The following FBXO25 variants were observed in gnomAD, a reference collection of about 807,000 sequenced individuals.
FBXO25 encodes F-box only protein 25.
Under a neutral mutation model 51.9 loss-of-function variants are expected in FBXO25, and 45 were observed. The ratio of observed to expected loss-of-function variants is 0.87; its 90% confidence interval spans 0.68 to 1.11. The LOEUF is 1.11. Ranked by LOEUF, FBXO25 falls within the 50% of genes most tolerant of loss-of-function variation. The pLI, the probability that FBXO25 is intolerant of heterozygous loss-of-function variation, is 0.00. For missense variants in FBXO25, 507 were observed against 428.5 expected, an observed-to-expected ratio of 1.18 and a Z score of -1.62; for synonymous variants, 199 against 151.0, an observed-to-expected ratio of 1.32 and a Z score of -2.33.
At chr8:446,260 C>G (rs990552753) in intron 5 of FBXO25, among the ~76,000 whole-genome samples, 35 of 152,110 alleles carry the variant, frequency 2.3e-4, no homozygotes, top group Non-Finnish European at 4.1e-4. Flanking sequence ...AACTCTCTCT[C>G]CCAGACTCAC....
In FBXO25 at chr8:451,446, T is replaced by C. The variant is rs1316959696; in HGVS notation, c.653T>C (p.Met218Thr). ...CAACAACAGCTACAGGATCTTCAGATGACTAAGGTATAAATATCTCGGCAT... is the reference window on the plus strand; with the variant it reads ...CAACAACAGCTACAGGATCTTCAGACGACTAAGGTATAAATATCTCGGCAT... ...AWQQQLQDLQ[M>T]TKQVNNGLTL... Residue 218 changes from methionine to threonine, a missense_variant, in exon 7 of 10, where the codon ATG becomes ACG. By Grantham distance (81) the Met-to-Thr change is moderately conservative. Coordinates refer to ENST00000350302, the MANE Select transcript of FBXO25 (RefSeq NM_183420.2). 6.2e-7 allele frequency: 1 copy of C among 1,613,316 alleles called. No homozygotes were observed. Among genetic ancestry groups the C allele is most frequent in the African/African-American group, 1.3e-5 (1 of 74,908 alleles).
At chr8:455,929 G>A (rs1799397002) in intron 7 of FBXO25, among the ~76,000 whole-genome samples, 1 of 152,238 alleles carries the variant, frequency 6.6e-6, no homozygotes, top group Admixed American at 6.5e-5. Flanking sequence ...TAACAGGGAT[G>A]TAAAACTGGA....
intron 5 of FBXO25, among the ~76,000 whole-genome samples, chr8:446,047 G>T (rs113923294): frequency 0.31 from 46,962 of 151,386 alleles, 11,779 homozygotes; most frequent in African/African-American, 0.7. Context: ...GTGTCTGGTG[G>T]GATGGAGGGG....
chr8:458,573 C>A, intron 8 of FBXO25, 22 bp downstream of exon 8: 1 of 1,611,166 alleles, frequency 6.2e-7, no homozygotes, highest in South Asian at 1.1e-5. Context: ...GCAGCAGTCT[C>A]CCCTCAGGCT....
chr8:407,348 T>A (rs1451608980), intron 1 of FBXO25: 2 of 945,772 alleles, frequency 2.1e-6, no homozygotes, highest in Middle Eastern at 5.6e-4. Flanking sequence ...GATTGCCGCG[T>A]GCGCGTCTGC....
rs556559595 is a variant in FBXO25, at chr8:475,552, C to T, written c.*6748C>T. 3 of 152,046 alleles carry T rather than the reference C, an allele frequency of 2.0e-5. No individual in the cohort carries two copies. The highest frequency in any genetic ancestry group is 4.8e-5 in the African/African-American group (2 of 41,398). 9.4% of individuals were successfully genotyped at this position (152,046 alleles called of 1,614,324 possible). On this transcript the variant is annotated 3_prime_UTR_variant, in exon 10 of 10. Coordinates refer to ENST00000350302, the MANE Select transcript of FBXO25 (RefSeq NM_183420.2). ...TCTTAAGGTATCCAATCCATAAACACGGGATTGCTTTCTATTTATTTGTGT... is the reference window on the plus strand; with the variant it reads ...TCTTAAGGTATCCAATCCATAAACATGGGATTGCTTTCTATTTATTTGTGT...
At chr8:424,199 T>C (rs1175707615) in intron 2 of FBXO25, among the ~76,000 whole-genome samples, 2 of 151,766 alleles carry the variant, frequency 1.3e-5, no homozygotes, top group Non-Finnish European at 2.9e-5. Flanking sequence ...GCTCACTCCT[T>C]TGCCCATTTT....
intron 9 of FBXO25, among the ~76,000 whole-genome samples, chr8:463,731 G>C (rs76511887): frequency 0.014 from 2,092 of 152,274 alleles, 37 homozygotes; most frequent in South Asian, 0.066. Context: ...CCTTCATCCA[G>C]TTACTTCCTG....
At chr8:436,620 C>T (rs1040819328) in intron 5 of FBXO25, among the ~76,000 whole-genome samples, 2 of 152,132 alleles carry the variant, frequency 1.3e-5, no homozygotes, top group Admixed American at 6.5e-5. Context: ...CTGAGTCCTC[C>T]TTTAGATATT....
At chr8:464,019 G>C (rs1032593443) in intron 9 of FBXO25, among the ~76,000 whole-genome samples, 13 of 152,106 alleles carry the variant, frequency 8.5e-5, no homozygotes, top group African/African-American at 2.7e-4. Flanking sequence ...AGGCAGTTAT[G>C]GGTGCAGTGG....
chr8:450,761 A>T (rs570365463), intron 6 of FBXO25: 1 of 152,512 alleles, frequency 6.6e-6, no homozygotes, highest in African/African-American at 2.4e-5. Flanking sequence ...TAAAATACAC[A>T]TTACATAAAA....
intron 5 of FBXO25, among the ~76,000 whole-genome samples, chr8:439,089 C>T (rs750696364): frequency 3.3e-5 from 5 of 152,224 alleles, no homozygotes; most frequent in African/African-American, 9.7e-5. Context: ...GCTGTAAACA[C>T]AGAGAGGGAG....
intron 5 of FBXO25, among the ~76,000 whole-genome samples, chr8:446,087 T>C (rs1367851751): frequency 6.6e-6 from 1 of 152,078 alleles, no homozygotes; most frequent in African/African-American, 2.4e-5. Flanking sequence ...GAGTTCAGTC[T>C]TCTGTAATGT....
At chr8:431,857 A>G (rs188656933) in intron 3 of FBXO25, among the ~76,000 whole-genome samples, 197 of 152,268 alleles carry the variant, frequency 1.3e-3, no homozygotes, top group Admixed American at 2.5e-3. Context: ...GGACCTATCT[A>G]TGTGAGGGCA....
chr8:407,434 G>A (rs946673198), intron 1 of FBXO25: 82 of 984,924 alleles, frequency 8.3e-5, no homozygotes, highest in Middle Eastern at 5.2e-4. Flanking sequence ...GGGGGCGGCC[G>A]GCGGGTGTGG....
intron 9 of FBXO25, among the ~76,000 whole-genome samples, chr8:463,720 C>A (rs1050259073): frequency 6.6e-6 from 1 of 152,208 alleles, no homozygotes; most frequent in Admixed American, 6.5e-5. Flanking sequence ...CAAGTCTCAT[C>A]CCTTCATCCA....
intron 5 of FBXO25, among the ~76,000 whole-genome samples, chr8:445,895 A>G (rs1798709501): frequency 6.6e-6 from 1 of 152,146 alleles, no homozygotes; most frequent in Non-Finnish European, 1.5e-5. Context: ...AAAAAACAGT[A>G]AGGACTGTAT....
chr8:431,951 C>T (rs1797842537), intron 3 of FBXO25, among the ~76,000 whole-genome samples: 1 of 152,126 alleles, frequency 6.6e-6, no homozygotes, highest in African/African-American at 2.4e-5. Flanking sequence ...GGGGATAGAC[C>T]TCCAGTGGAT....
At chr8:456,087 A>G (rs1286764860) in intron 7 of FBXO25, among the ~76,000 whole-genome samples, 5 of 152,222 alleles carry the variant, frequency 3.3e-5, no homozygotes, top group Admixed American at 2.6e-4. Flanking sequence ...TTTGTAAACT[A>G]CTGTCTGCTA....
Sources: allele counts gnomAD v4.1 joint callset (sites outside exome capture counted in the v4.1 genomes callset), GRCh38; gene constraint gnomAD v4.1.1; transcripts MANE v1.5; gene names NCBI Gene and HGNC (gene_info 2026-07-23, HGNC 2026-07-21).